Variants in ADPRM observed in about 807,000 individuals in gnomAD.
ADPRM encodes ADP-ribose/CDP-alcohol diphosphatase, manganese dependent, also known as manganese-dependent ADP-ribose/CDP-alcohol diphosphatase.
A neutral mutation model predicts 27.2 loss-of-function variants in ADPRM; 17 were observed. The observed-to-expected ratio is 0.63, with a 90% CI of 0.43 to 0.94. The LOEUF is 0.94. Ranked by LOEUF, ADPRM falls within the 40% of genes least tolerant of loss-of-function variation. ADPRM has a pLI of 0.00. For missense variants in ADPRM, 337 were observed against 412.8 expected (o/e 0.82, Z 1.59); for synonymous variants, 135 against 145.3 (o/e 0.93, Z 0.51).
At chr17:10,697,866 G>A (rs184905329) in intron 1 of ADPRM, 199 bp downstream of exon 1, 587 of 319,136 alleles carry the variant, frequency 1.8e-3, no homozygotes, top group African/African-American at 0.013. Flanking sequence ...CCTCGCGCCG[G>A]GGACACCCCC....
intron 3 of ADPRM, among the ~76,000 whole-genome samples, chr17:10,710,387 C>T (rs1311346282): frequency 3.9e-5 from 6 of 152,226 alleles, no homozygotes; most frequent in African/African-American, 1.4e-4. Context: ...CAGGCATGAG[C>T]CACCACACCC....
Position 10,705,473 on chromosome 17 carries a change from T to A in ADPRM, c.547T>A (p.Cys183Ser), listed in dbSNP as rs138089577. The A allele has an allele frequency of 1.2e-6, 2 of 1,614,044 alleles. No homozygotes were observed. Among genetic ancestry groups the A allele is most frequent in the Non-Finnish European group, 1.7e-6 (2 of 1,180,014 alleles). ...TCAGTCTTCTCCAAAATACGAGCAGTGTATGAAGATATTGAGGGAGCACAA... is the reference window on the plus strand; with the variant it reads ...TCAGTCTTCTCCAAAATACGAGCAGAGTATGAAGATATTGAGGGAGCACAA... The part of the protein sequence containing the change: ...VDQSSPKYEQ[C>S]MKILREHNPN... The change falls in exon 2 of 4, where the codon TGT becomes AGT. Residue 183 changes from cysteine (C) to serine (S), a missense_variant. Coordinates refer to ENST00000379774, the MANE Select transcript of ADPRM (RefSeq NM_020233.5). This position sits in a 1 kb window ranked among gnomAD's most constrained non-coding sequence, Gnocchi z 5.4.
Position 10,705,623 on chromosome 17 carries a change from T to C in ADPRM, c.601+96T>C, listed in dbSNP as rs2074807885. 1 of 1,498,346 alleles carries C rather than the reference T, an allele frequency of 6.7e-7. No individual in the cohort carries two copies. The highest frequency in any genetic ancestry group is 1.3e-5 in the South Asian group (1 of 75,734). 92.8% of individuals were successfully genotyped at this position (1,498,346 alleles called of 1,614,324 possible). A position where few individuals can be genotyped will look rare whatever the true frequency, so the allele number is the denominator to read the frequency against. On this transcript the variant is annotated intron_variant, in intron 2 of 3. Coordinates refer to ENST00000379774, the MANE Select transcript of ADPRM (RefSeq NM_020233.5). The surrounding 1 kb of genome is among the most constrained non-coding windows in gnomAD (Gnocchi z 5.4). ...GGAAGATGGACAATTAAGGTAAAAG[T>C]ATATTGTCACTTGTTCAGGGTCAGG...
At chr17:10,710,805 T>C in intron 3 of ADPRM, 29 bp from the exon 4 acceptor site, 1 of 1,593,612 alleles carries the variant, frequency 6.3e-7, no homozygotes, top group Non-Finnish European at 8.6e-7. Flanking sequence ...CTTAATTGGC[T>C]CATAACTCTT....
At position 10,710,852 on chromosome 17, in the gene ADPRM, C is replaced by G. The variant is rs891457562; in HGVS notation, c.737C>G (p.Pro246Arg). 1 of 1,613,956 alleles carries G rather than the reference C, an allele frequency of 6.2e-7. No homozygotes were observed. The change falls in exon 4 of 4, where the codon CCG becomes CGG. Residue 246 changes from proline to arginine, a missense_variant. By Grantham distance (103) the Pro-to-Arg change is moderately radical. Coordinates refer to ENST00000379774, the MANE Select transcript of ADPRM (RefSeq NM_020233.5). ...VVIVSHLPIY[P>R]DASDNVCLAW... ...CTAACAGGCCATCTTCCCATTTACC[C>G]GGACGCCTCTGACAATGTGTGCCTG...
At chr17:10,698,095 G>A (rs142937867) in intron 1 of ADPRM, 7 of 153,648 alleles carry the variant, frequency 4.6e-5, no homozygotes, top group African/African-American at 1.7e-4. Flanking sequence ...TGAGTGGTTA[G>A]GGCGGTCTGG....
intron 1 of ADPRM, 103 bp downstream of exon 1, chr17:10,697,770 C>T (rs1221806845): frequency 1.9e-6 from 1 of 529,096 alleles, no homozygotes; most frequent in Admixed American, 3.4e-5. Flanking sequence ...CTTAGGGGTC[C>T]AGGTGCGCGG....
At chr17:10,704,822 C>G in intron 1 of ADPRM, 88 bp from the exon 2 acceptor site, 1 of 1,173,496 alleles carries the variant, frequency 8.5e-7, no homozygotes, top group Non-Finnish European at 1.2e-6. Flanking sequence ...AATGAATTAA[C>G]CTTTAACATT....
At position 10,705,227 on chromosome 17, in the gene ADPRM, A is replaced by G. The variant is rs1310347100; in HGVS notation, c.301A>G (p.Lys101Glu). ...TGTTATGGACATGTTCAAGAGGCTT[A>G]AAGTTCCAGTTCATCATACATGGGG... ...ELVMDMFKRL[K>E]VPVHHTWGNH... The change falls in exon 2 of 4, where the codon AAA becomes GAA. Residue 101 changes from lysine to glutamate, a missense_variant. Coordinates refer to ENST00000379774, the MANE Select transcript of ADPRM (RefSeq NM_020233.5). The surrounding 1 kb of genome is among the most constrained non-coding windows in gnomAD (Gnocchi z 5.4). The G allele has an allele frequency of 4.3e-6, 7 of 1,614,164 alleles. No individual in the cohort carries two copies.
intron 3 of ADPRM, among the ~76,000 whole-genome samples, chr17:10,707,737 C>T (rs927548971): frequency 6.6e-6 from 1 of 152,218 alleles, no homozygotes; most frequent in African/African-American, 2.4e-5. Flanking sequence ...TCGGCTGGCA[C>T]TGAGCACTGT....
Position 10,710,952 on chromosome 17 carries a change from C to T in ADPRM, c.837C>T (p.Thr279=). The T allele has an allele frequency of 6.2e-7, 1 of 1,614,062 alleles. No individual in the cohort carries two copies. The highest frequency in any genetic ancestry group is 1.1e-5 in the South Asian group (1 of 91,064). Residue 279 remains threonine, a synonymous_variant, in exon 4 of 4, where the codon ACC becomes ACT. Transcript: ENST00000379774. ...TGGTGTGTTTCTTTGCTGGTCACAC[C>T]CATGATGGTGGCTACTCTGAGGATC... ...ECVVCFFAGH[T]HDGGYSEDPF...
At chr17:10,710,734 A>AT (rs3215180) in intron 3 of ADPRM, 100 bp from the exon 4 acceptor site, 291 of 1,098,774 alleles carry the variant, frequency 2.6e-4, no homozygotes, top group Middle Eastern at 4.4e-4. Flanking sequence ...TGAGATAGCA[A>AT]TTTTTTTTTC....
intron 1 of ADPRM, chr17:10,698,393 T>G (rs548226492): frequency 1.3e-5 from 2 of 152,364 alleles, no homozygotes; most frequent in South Asian, 4.1e-4. Context: ...TAACTTCATT[T>G]CATCTGCCTT....
chr17:10,705,552 A>G lies in ADPRM; in HGVS notation c.601+25A>G. ...GGTGAATTATTCCTTTGAGCTGAGA[A>G]TCTAATAGATTGTCTTTAAATTCTT... On this transcript the variant is annotated intron_variant, in intron 2 of 3. Transcript: ENST00000379774. The surrounding 1 kb of genome is among the most constrained non-coding windows in gnomAD (Gnocchi z 5.4). 1 of 1,599,810 alleles carries G rather than the reference A, an allele frequency of 6.3e-7. No individual in the cohort carries two copies.
chr17:10,703,050 CTTAATGG>C (rs1231045902), intron 1 of ADPRM, among the ~76,000 whole-genome samples: 2 of 152,082 alleles, frequency 1.3e-5, no homozygotes, highest in Non-Finnish European at 2.9e-5. Context: ...TAATATAACT[CTTAATGG>C]TTAATATAAC....
chr17:10,708,852 C>T (rs1223663038), intron 3 of ADPRM, among the ~76,000 whole-genome samples: 1 of 152,206 alleles, frequency 6.6e-6, no homozygotes, highest in Non-Finnish European at 1.5e-5. Context: ...GAGCTGCTGA[C>T]AGCACTGAGA....
intron 3 of ADPRM, among the ~76,000 whole-genome samples, chr17:10,708,194 G>A (rs1174062026): frequency 1.3e-5 from 2 of 152,066 alleles, no homozygotes; most frequent in Admixed American, 1.3e-4. Flanking sequence ...ACTTTGGAAG[G>A]CTGAGGTGGG....
intron 3 of ADPRM, among the ~76,000 whole-genome samples, chr17:10,710,461 AATTGG>A (rs1320980198): frequency 6.6e-6 from 1 of 152,180 alleles, no homozygotes; most frequent in Non-Finnish European, 1.5e-5. Context: ...TAAGGAAATC[AATTGG>A]ATTGGATTCC....
intron 2 of ADPRM, among the ~76,000 whole-genome samples, chr17:10,706,216 A>G (rs910635073): frequency 1.3e-5 from 2 of 152,200 alleles, no homozygotes; most frequent in Non-Finnish European, 2.9e-5. Context: ...TTTTTAATAT[A>G]ATGGAAAGCC....
Sources: gnomAD v4.1 joint callset for allele counts (sites outside exome capture counted in the v4.1 genomes callset) on GRCh38, gnomAD v4.1.1 for gene constraint, Gnocchi (gnomAD v3.1) non-coding constraint, MANE v1.5 for transcripts, NCBI Gene and HGNC (gene_info 2026-07-23, HGNC 2026-07-21) for gene names.